The following ARHGEF10 variants were observed in gnomAD, a reference collection of about 807,000 sequenced individuals.
The protein encoded by ARHGEF10 is Rho guanine nucleotide exchange factor (GEF) 10.
A neutral mutation model predicts 147.4 loss-of-function variants in ARHGEF10; 140 were observed. The observed-to-expected ratio is 0.95, with a 90% CI of 0.83 to 1.09. ARHGEF10 has a LOEUF of 1.09. Ranked by LOEUF, ARHGEF10 falls within the 50% of genes least tolerant of loss-of-function variation. The pLI, the probability that ARHGEF10 is intolerant of heterozygous loss-of-function variation, is 0.00. For synonymous variants in ARHGEF10, 902 were observed against 695.8 expected (o/e 1.30, Z -4.67); for missense variants, 2,222 against 1,752.7 (o/e 1.27, Z -4.78).
In ARHGEF10 at chr8:1,857,963, A is replaced by T. The variant is rs1166431199; in HGVS notation, c.41A>T (p.Asn14Ile). The change falls in exon 3 of 29, where the codon AAT becomes ATT. Residue 14 changes from asparagine to isoleucine, a missense_variant. By Grantham distance (149) the Asn-to-Ile change is moderately radical. Coordinates refer to ENST00000349830, the MANE Select transcript of ARHGEF10 (RefSeq NM_014629.4). Reference protein sequence around the residue: ...REPLPPAPAENEMKYDTNNNE... With the variant: ...REPLPPAPAEIEMKYDTNNNE... ...TGGTTTTGGTTTTTCTTTTTAGAAA[A>T]TGAAATGAAATATGATACCAATAAT... 6.2e-7 allele frequency: 1 copy of T among 1,613,746 alleles called. No individual in the cohort carries two copies. The highest frequency in any genetic ancestry group is 1.1e-5 in the South Asian group (1 of 91,068).
At chr8:1,938,992 G>T (rs1462007027) in intron 26 of ARHGEF10, among the ~76,000 whole-genome samples, 3 of 115,912 alleles carry the variant, frequency 2.6e-5, no homozygotes, top group South Asian at 5.6e-4. Context: ...AGAGACCCCC[G>T]AACACTGTTG....
chr8:1,837,234 T>TGCTGTGC (rs1435408256), intron 1 of ARHGEF10, among the ~76,000 whole-genome samples: 2 of 152,212 alleles, frequency 1.3e-5, no homozygotes, highest in African/African-American at 4.8e-5. Flanking sequence ...AGCCAGGGGC[T>TGCTGTGC]GCTGTGCGCT....
chr8:1,949,405 G>A (rs1032857357), intron 27 of ARHGEF10, among the ~76,000 whole-genome samples: 11 of 152,318 alleles, frequency 7.2e-5, no homozygotes, highest in Admixed American at 2.6e-4. Flanking sequence ...TCGTTAGAGC[G>A]GTCGTTACCT....
In ARHGEF10 at chr8:1,942,383, A is replaced by G. The variant is rs184121705; in HGVS notation, c.3223-3098A>G. On this transcript the variant is annotated intron_variant, in intron 26 of 28. Coordinates refer to ENST00000349830, the MANE Select transcript of ARHGEF10 (RefSeq NM_014629.4). Reference sequence around the variant, plus strand: ...GGTCAGCATTGTTGCTTGTTAGGGAATCATGGAGCGAAACCACAGTGAGAC... The same window carrying G: ...GGTCAGCATTGTTGCTTGTTAGGGAGTCATGGAGCGAAACCACAGTGAGAC... 5.9e-5 allele frequency among the ~76,000 whole-genome samples: 9 copies of G among 151,984 alleles called. No homozygotes were observed. In the East Asian group the frequency reaches 1.5e-3, roughly 26 times the overall value.
upstream of ARHGEF10, among the ~76,000 whole-genome samples, chr8:1,823,357 G>C (rs562036393): frequency 5.9e-5 from 9 of 152,090 alleles, no homozygotes; most frequent in East Asian, 1.6e-3. Context: ...TGCGGACGGA[G>C]GGACGGGGGC....
chr8:1,939,868 C>A (rs1227962581), intron 26 of ARHGEF10, among the ~76,000 whole-genome samples: 1 of 152,234 alleles, frequency 6.6e-6, no homozygotes, highest in Non-Finnish European at 1.5e-5. Context: ...AGGTAGCCAG[C>A]AGCCTTTGAC....
chr8:1,838,419 C>T (rs1585220567), intron 1 of ARHGEF10, among the ~76,000 whole-genome samples: 1 of 135,600 alleles, frequency 7.4e-6, no homozygotes, highest in African/African-American at 3.1e-5. Context: ...GGAGTCTTCT[C>T]CTTCCCACAG....
At position 1,958,155 on chromosome 8, in the gene ARHGEF10, C is replaced by G. The variant is rs1414850240; in HGVS notation, c.*892C>G. 6.6e-6 allele frequency: 1 copy of G among 152,266 alleles called. No individual in the cohort carries two copies. Among genetic ancestry groups the G allele is most frequent in the African/African-American group, 2.4e-5 (1 of 41,460 alleles). The allele number at this position is 152,266 out of a possible 1,614,324, so 9.4% of individuals were successfully genotyped here. On this transcript the variant is annotated 3_prime_UTR_variant, in exon 29 of 29. Coordinates refer to ENST00000349830, the MANE Select transcript of ARHGEF10 (RefSeq NM_014629.4). Reference sequence around the variant, plus strand: ...TTCTTGCCCCTGTTGACGTGGAATGCTGTGTCTGCTTTAGCACGCACGCTC... The same window carrying G: ...TTCTTGCCCCTGTTGACGTGGAATGGTGTGTCTGCTTTAGCACGCACGCTC...
intron 18 of ARHGEF10, among the ~76,000 whole-genome samples, chr8:1,912,133 C>A (rs1020949380): frequency 2.0e-5 from 3 of 152,160 alleles, no homozygotes; most frequent in African/African-American, 7.2e-5. Context: ...GACCAGTGAG[C>A]AGCTGCAGCA....
intron 1 of ARHGEF10, among the ~76,000 whole-genome samples, chr8:1,833,178 G>GCAGAGACAGAAGCAGAGACA (rs1563149826): frequency 4.4e-5 from 4 of 90,270 alleles, no homozygotes; most frequent in African/African-American, 2.0e-4. Context: ...AGAAGCAGAG[G>GCAGAGACAGAAGCAGAGACA]GAGGCAGAGA....
At position 1,921,010 on chromosome 8, in the gene ARHGEF10, T is replaced by C. The variant is rs1321817596; in HGVS notation, c.2144-1954T>C. ...CATGTTGATCAGGCTGGCCTCGAACTCTCGACCTCAGGTGATCCTCCTGCC... is the reference window on the plus strand; with the variant it reads ...CATGTTGATCAGGCTGGCCTCGAACCCTCGACCTCAGGTGATCCTCCTGCC... On this transcript the variant is annotated intron_variant, in intron 18 of 28. Transcript: ENST00000349830. Among the ~76,000 whole-genome samples the C allele has an allele frequency of 2.6e-5, 4 of 152,192 alleles. No individual in the cohort carries two copies. In the South Asian group the frequency reaches 8.3e-4, roughly 32 times the overall value.
At chr8:1,831,677 G>C (rs1171655451) in intron 1 of ARHGEF10, among the ~76,000 whole-genome samples, 1 of 152,230 alleles carries the variant, frequency 6.6e-6, no homozygotes, top group Non-Finnish European at 1.5e-5. Flanking sequence ...GTGCTGCTGG[G>C]ATTGCTGGTG....
chr8:1,823,777 C>T (rs1307591705), upstream of ARHGEF10, among the ~76,000 whole-genome samples: 3 of 151,568 alleles, frequency 2.0e-5, no homozygotes, highest in Non-Finnish European at 4.4e-5. Context: ...CGGGAGGGGG[C>T]GCGGGCGGCC....
chr8:1,883,509 C>A (rs1808393399), intron 10 of ARHGEF10, among the ~76,000 whole-genome samples: 2 of 152,242 alleles, frequency 1.3e-5, no homozygotes, highest in Non-Finnish European at 1.5e-5. Flanking sequence ...ACTTTGCAGT[C>A]ACGTTGTCCC....
chr8:1,950,698 G>GT lies in ARHGEF10; in HGVS notation c.3398-2000dup, dbSNP rs933106248. ...AGGTGCCTACCACCACGCCCAGCTA[G>GT]TTTTTTTGTATTTTTTTGTTTTGTT... On this transcript the variant is annotated intron_variant, in intron 27 of 28. Coordinates refer to ENST00000349830, the MANE Select transcript of ARHGEF10 (RefSeq NM_014629.4). Among the ~76,000 whole-genome samples, 4 of 140,586 alleles carry GT rather than the reference G, an allele frequency of 2.8e-5. No individual in the cohort carries two copies. In the South Asian group the frequency reaches 7.0e-4, roughly 25 times the overall value. 92.2% of individuals were successfully genotyped at this position (140,586 alleles called of 152,430 possible).
intron 14 of ARHGEF10, 118 bp downstream of exon 14, chr8:1,896,567 G>C (rs1391997802): frequency 1.3e-5 from 10 of 786,040 alleles, no homozygotes; most frequent in Admixed American, 6.2e-5. Context: ...TAGTGCCCTA[G>C]ATATTGGATT....
chr8:1,909,166 A>G (rs1328568712), intron 17 of ARHGEF10, 129 bp from the exon 18 acceptor site: 3 of 1,327,428 alleles, frequency 2.3e-6, no homozygotes, highest in Admixed American at 1.7e-5. Flanking sequence ...CACAATTACT[A>G]TTGTGAGAAA....
intron 1 of ARHGEF10, among the ~76,000 whole-genome samples, chr8:1,842,300 C>T (rs930697728): frequency 9.9e-5 from 15 of 152,144 alleles, no homozygotes; most frequent in African/African-American, 3.6e-4. Flanking sequence ...AAAGTAGTGT[C>T]TGTCTGCTTC....
intron 1 of ARHGEF10, among the ~76,000 whole-genome samples, chr8:1,832,888 G>A (rs111204966): frequency 1.2e-4 from 6 of 50,792 alleles, no homozygotes; most frequent in African/African-American, 1.6e-4. Context: ...AGAGACAGAG[G>A]CAGACGCAGA....
Sources: gnomAD v4.1 joint callset for allele counts (sites outside exome capture counted in the v4.1 genomes callset) on GRCh38, gnomAD v4.1.1 for gene constraint, MANE v1.5 for transcripts, NCBI Gene and HGNC (gene_info 2026-07-23, HGNC 2026-07-21) for gene names.